MSH4: variants seen among roughly 807,000 people sequenced by gnomAD.
The protein encoded by MSH4 is mutS protein homolog 4.
A neutral mutation model predicts 113.7 loss-of-function variants in MSH4; 106 were observed. The observed-to-expected ratio is 0.93, with a 90% confidence interval of 0.80 to 1.10. The LOEUF (loss-of-function observed/expected upper bound fraction) is 1.10, where lower values mean the gene tolerates loss of function less well. Among genes scored for constraint, MSH4 ranks in the 50% least tolerant of loss-of-function variants. The pLI, the probability that MSH4 is intolerant of heterozygous loss-of-function variation, is 0.00. For missense variants in MSH4, 1,061 were observed against 1,093.7 expected (o/e 0.97, Z 0.42); for synonymous variants, 368 against 380.2 (o/e 0.97, Z 0.37).
Position 75,885,051 on chromosome 1 carries a change from G to GTATATATATATATA in MSH4, c.2107+1231_2107+1232insATATATATATATAT, listed in dbSNP as rs1217705221. Reference sequence around the variant, plus strand: ...TATATGTGTGTGTGTGTGTGTGTGTGTGTGTGTGTATATATATATATATAC... The same window carrying GTATATATATATATA: ...TATATGTGTGTGTGTGTGTGTGTGTGTATATATATATATATGTGTGTGTATATATATATATATAC... On this transcript the variant is annotated intron_variant, in intron 15 of 19. Coordinates refer to ENST00000263187, the MANE Select transcript of MSH4 (RefSeq NM_002440.4). 9.3e-4 allele frequency among the ~76,000 whole-genome samples: 105 copies of GTATATATATATATA among 113,266 alleles called. 1 individual carries two copies. Among genetic ancestry groups the GTATATATATATATA allele is most frequent in the Middle Eastern group, 9.3e-3 (2 of 216 alleles). 74.3% of individuals were successfully genotyped at this position (113,266 alleles called of 152,430 possible).
At chr1:75,903,614 T>G (rs1317196038) in intron 19 of MSH4, among the ~76,000 whole-genome samples, 1 of 152,086 alleles carries the variant, frequency 6.6e-6, no homozygotes, top group Non-Finnish European at 1.5e-5. Flanking sequence ...TTACATTGAA[T>G]AGTATTGACA....
At chr1:75,885,013 G>A (rs1354702124) in intron 15 of MSH4, among the ~76,000 whole-genome samples, 4 of 136,562 alleles carry the variant, frequency 2.9e-5, no homozygotes, top group Non-Finnish European at 4.6e-5. Flanking sequence ...GTGTGTGTAT[G>A]TGTGTATATA....
chr1:75,912,861 C>A lies in MSH4; in HGVS notation c.2785C>A (p.Gln929Lys), dbSNP rs754750089. 1.3e-6 allele frequency: 2 copies of A among 1,539,956 alleles called. No individual in the cohort carries two copies. Among genetic ancestry groups the A allele is most frequent in the Admixed American group, 2.0e-5 (1 of 49,434 alleles). Residue 929 changes from glutamine (Q) to lysine (K), a missense_variant, in exon 20 of 20, where the codon CAA becomes AAA. By Grantham distance (53) the Gln-to-Lys change is moderately conservative. Coordinates refer to ENST00000263187, the MANE Select transcript of MSH4 (RefSeq NM_002440.4). ...CAAAGAAGATTTTCCCAGGACTGAA[C>A]AAGTTCCAGAAAAGACTGAAGAATA... ...KYKEDFPRTE[Q>K]VPEKTEE is the part of the protein sequence containing the mutation.
intron 9 of MSH4, among the ~76,000 whole-genome samples, chr1:75,874,031 C>A (rs1202269663): frequency 6.6e-6 from 1 of 152,160 alleles, no homozygotes; most frequent in Non-Finnish European, 1.5e-5. Context: ...AATTTACATT[C>A]ATACACCAAC....
chr1:75,858,257 T>C (rs766125393), intron 8 of MSH4, among the ~76,000 whole-genome samples: 5 of 152,206 alleles, frequency 3.3e-5, no homozygotes, highest in Non-Finnish European at 5.9e-5. Flanking sequence ...TACCCTTTAT[T>C]TCTTTCTCTT....
chr1:75,848,379 A>G, intron 8 of MSH4, 103 bp downstream of exon 8: 2 of 897,364 alleles, frequency 2.2e-6, no homozygotes, highest in Non-Finnish European at 3.5e-6. Context: ...GTTTTGGGAA[A>G]GTCCTTCATT....
chr1:75,824,958 T>G (rs1650515515), intron 7 of MSH4, among the ~76,000 whole-genome samples: 1 of 150,850 alleles, frequency 6.6e-6, no homozygotes. Context: ...CTTTTTTCAT[T>G]CCATATGAAA....
intron 19 of MSH4, among the ~76,000 whole-genome samples, chr1:75,907,963 G>A (rs1049350593): frequency 6.7e-6 from 1 of 149,748 alleles, no homozygotes; most frequent in African/African-American, 2.5e-5. Flanking sequence ...GCCTGCCTCA[G>A]TCTCCCAGAG....
intron 7 of MSH4, among the ~76,000 whole-genome samples, chr1:75,847,404 C>T (rs1051168612): frequency 2.6e-5 from 4 of 152,132 alleles, no homozygotes; most frequent in Non-Finnish European, 5.9e-5. Flanking sequence ...TTGAACTATA[C>T]TTTTAAACTA....
Position 75,855,781 on chromosome 1 carries a change from A to G in MSH4, c.1230+7505A>G, listed in dbSNP as rs181515775. Among the ~76,000 whole-genome samples the G allele has an allele frequency of 1.4e-3, 220 of 152,340 alleles. 1 individual carries two copies. The highest frequency in any genetic ancestry group is 5.1e-3 in the African/African-American group (212 of 41,574). The stretch of plus-strand genomic sequence containing the variant: ...ACCTCTGGAATGACCCTATTTCCAA[A>G]TAAGATCACATTTTGAGGTACTGAG... On this transcript the variant is annotated intron_variant, in intron 8 of 19. Transcript: ENST00000263187.
chr1:75,869,143 T>C (rs1651654503), intron 9 of MSH4, among the ~76,000 whole-genome samples: 1 of 152,032 alleles, frequency 6.6e-6, no homozygotes, highest in African/African-American at 2.4e-5. Flanking sequence ...GCTGAGGTGG[T>C]CTCAGATGGA....
At chr1:75,840,943 G>T (rs1207856156) in intron 7 of MSH4, among the ~76,000 whole-genome samples, 1 of 152,150 alleles carries the variant, frequency 6.6e-6, no homozygotes, top group Non-Finnish European at 1.5e-5. Context: ...ATCCAGATGG[G>T]ATTTGCAGGA....
At chr1:75,797,722 G>A (rs1351150711) in intron 1 of MSH4, among the ~76,000 whole-genome samples, 2 of 152,088 alleles carry the variant, frequency 1.3e-5, no homozygotes, top group Non-Finnish European at 2.9e-5. Flanking sequence ...ACTTGAGGCC[G>A]GGAGTTCCAC....
In MSH4 at chr1:75,899,787, A is replaced by C. The variant is rs1652469551; in HGVS notation, c.2619+81A>C. ...GATTTTTATTATGACCTTTGATCTAAATATATAATAATTAATATAATAATT... is the reference window on the plus strand; with the variant it reads ...GATTTTTATTATGACCTTTGATCTACATATATAATAATTAATATAATAATT... On this transcript the variant is annotated intron_variant, in intron 19 of 19. Coordinates refer to ENST00000263187, the MANE Select transcript of MSH4 (RefSeq NM_002440.4). 3 of 412,684 alleles carry C rather than the reference A, an allele frequency of 7.3e-6. No homozygotes were observed. In the Admixed American group the frequency reaches 1.4e-4, roughly 19 times the overall value. 25.6% of individuals were successfully genotyped at this position (412,684 alleles called of 1,614,324 possible). A position where few individuals can be genotyped will look rare whatever the true frequency, so the allele number is the denominator to read the frequency against.
chr1:75,844,145 C>T (rs1311137134), intron 7 of MSH4, among the ~76,000 whole-genome samples: 1 of 151,956 alleles, frequency 6.6e-6, no homozygotes, highest in African/African-American at 2.4e-5. Context: ...CAGCATGACA[C>T]CACTTTGAGA....
At chr1:75,863,317 G>A (rs1198110645) in intron 8 of MSH4, among the ~76,000 whole-genome samples, 3 of 152,038 alleles carry the variant, frequency 2.0e-5, no homozygotes, top group African/African-American at 7.2e-5. Context: ...ATCTAGAACT[G>A]CAAGGGATCT....
chr1:75,812,653 C>G (rs1405676710), intron 4 of MSH4, among the ~76,000 whole-genome samples: 1 of 152,126 alleles, frequency 6.6e-6, no homozygotes, highest in Non-Finnish European at 1.5e-5. Flanking sequence ...GAGATTGTGC[C>G]ATTGCACTGC....
chr1:75,833,086 G>A (rs1434147910), intron 7 of MSH4, among the ~76,000 whole-genome samples: 2 of 152,300 alleles, frequency 1.3e-5, no homozygotes, highest in South Asian at 2.1e-4. Context: ...CTTCAGCAAA[G>A]TCTCTGGACA....
chr1:75,836,839 T>A (rs2100535796), intron 7 of MSH4, among the ~76,000 whole-genome samples: 1 of 152,344 alleles, frequency 6.6e-6, no homozygotes, highest in African/African-American at 2.4e-5. Flanking sequence ...CAAAGATATG[T>A]TCTGGGTTGT....
Sources: allele counts gnomAD v4.1 joint callset (sites outside exome capture counted in the v4.1 genomes callset), GRCh38; gene constraint gnomAD v4.1.1; transcripts MANE v1.5; gene names NCBI Gene and HGNC (gene_info 2026-07-23, HGNC 2026-07-21).